Variants in NAALADL2 observed in about 807,000 individuals in gnomAD.
NAALADL2 encodes the protein N-acetylated alpha-linked acidic dipeptidase like 2.
In NAALADL2, 76 loss-of-function variants were observed where a neutral mutation model predicts 87.2. The observed-to-expected ratio is 0.87, with a 90% confidence interval of 0.72 to 1.05. The LOEUF (loss-of-function observed/expected upper bound fraction) is 1.05, where lower values mean the gene tolerates loss of function less well. NAALADL2 is among the 50% of genes least tolerant of loss of function. The pLI is 0.00. For missense variants in NAALADL2, 1,089 were observed against 945.8 expected (o/e 1.15, Z -1.99); for synonymous variants, 354 against 331.0 (o/e 1.07, Z -0.75).
intron 11 of NAALADL2, among the ~76,000 whole-genome samples, chr3:175,653,326 C>T (rs755871210): frequency 8.5e-5 from 13 of 152,094 alleles, no homozygotes; most frequent in African/African-American, 2.4e-4. Flanking sequence ...GGGCTCATAT[C>T]GTAGAAGGGT....
intron 1 of NAALADL2, among the ~76,000 whole-genome samples, chr3:174,523,883 T>A (rs1337928830): frequency 6.6e-6 from 1 of 152,218 alleles, no homozygotes; most frequent in Non-Finnish European, 1.5e-5. Flanking sequence ...TTTTGCTTTT[T>A]TCCTTTTTTT....
chr3:174,452,439 T>C (rs1715550896), intron 1 of NAALADL2, among the ~76,000 whole-genome samples: 1 of 152,216 alleles, frequency 6.6e-6, no homozygotes, highest in Non-Finnish European at 1.5e-5. Context: ...GCTGCATTGC[T>C]GCTGCTTCTG....
At position 174,771,232 on chromosome 3, in the gene NAALADL2, A is replaced by G. The variant is rs1281188276; in HGVS notation, c.-9+33486A>G. 2.0e-5 allele frequency among the ~76,000 whole-genome samples: 3 copies of G among 152,204 alleles called. No individual in the cohort carries two copies. In the East Asian group the frequency reaches 5.8e-4, roughly 29 times the overall value. On this transcript the variant is annotated intron_variant, in intron 3 of 3. Coordinates refer to the NAALADL2 transcript ENST00000434257. ...GATCTCTAATGGAAGAGATATAAAC[A>G]TTTACATTTAATTGAAATACACAAA...
At chr3:175,282,604 C>A (rs1754452035) in intron 4 of NAALADL2, among the ~76,000 whole-genome samples, 1 of 152,026 alleles carries the variant, frequency 6.6e-6, no homozygotes, top group Non-Finnish European at 1.5e-5. Context: ...CAACCCCCAC[C>A]AAACTCTACT....
chr3:174,607,103 G>A (rs939079635), intron 2 of NAALADL2, among the ~76,000 whole-genome samples: 23 of 152,002 alleles, frequency 1.5e-4, no homozygotes, highest in African/African-American at 5.6e-4. Context: ...ATCCTTTACA[G>A]ACAAGCAAAT....
At chr3:175,588,781 G>T (rs143327770) in intron 10 of NAALADL2, among the ~76,000 whole-genome samples, 3 of 151,888 alleles carry the variant, frequency 2.0e-5, no homozygotes, top group Non-Finnish European at 4.4e-5. Flanking sequence ...CTCGTGATCC[G>T]CCCGCCTTGG....
Position 174,611,965 on chromosome 3 carries a change from G to A in NAALADL2, c.-115+61328G>A, listed in dbSNP as rs373027093. 1.6e-4 allele frequency among the ~76,000 whole-genome samples: 23 copies of A among 145,980 alleles called. No individual in the cohort carries two copies. In the South Asian group the frequency reaches 5.1e-3, roughly 32 times the overall value. On this transcript the variant is annotated intron_variant, in intron 2 of 3. Coordinates refer to the NAALADL2 transcript ENST00000434257. ...GACGTGCTCCCTTTAGCATTTTTTT[G>A]TAGGACAGATCTTGTGTTGACAAAA...
upstream of NAALADL2, among the ~76,000 whole-genome samples, chr3:174,856,932 C>T (rs1429430663): frequency 1.3e-5 from 2 of 151,950 alleles, no homozygotes. Context: ...AAATGTGTTC[C>T]GATTGATGTC....
chr3:174,804,835 T>C (rs530396176), intron 3 of NAALADL2, among the ~76,000 whole-genome samples: 326 of 152,262 alleles, frequency 2.1e-3, no homozygotes, highest in African/African-American at 7.7e-3. Context: ...ATACTAAGAG[T>C]AATTTGTATT....
chr3:174,675,073 C>A (rs1252160702), intron 2 of NAALADL2, among the ~76,000 whole-genome samples: 1 of 152,026 alleles, frequency 6.6e-6, no homozygotes, highest in Non-Finnish European at 1.5e-5. Context: ...TTAATGGTTT[C>A]TGCTGTGAAT....
In NAALADL2 at chr3:174,571,238, GC is replaced by G. The variant is rs1466234811; in HGVS notation, c.-115+20602del. On this transcript the variant is annotated intron_variant, in intron 2 of 3. Transcript: ENST00000434257. ...ACTTGTTAATATTATCTGATTTTAG[GC>G]TAAAAATTGGGGTAAACTAAAAAAC... is the stretch of plus-strand genomic sequence containing the variant. Among the ~76,000 whole-genome samples, 8 of 152,186 alleles carry G rather than the reference GC, an allele frequency of 5.3e-5. No homozygotes were observed. In the East Asian group the frequency reaches 1.5e-3, roughly 29 times the overall value.
chr3:175,575,860 C>T (rs796722759), intron 9 of NAALADL2, among the ~76,000 whole-genome samples, 181 bp from the exon 10 acceptor site: 6 of 152,274 alleles, frequency 3.9e-5, no homozygotes, highest in African/African-American at 1.4e-4. Context: ...AGTTACAATG[C>T]AGATTCCTGG....
chr3:174,953,297 T>TCCTCTCCCC (rs1740651836), intron 1 of NAALADL2, among the ~76,000 whole-genome samples: 9 of 59,314 alleles, frequency 1.5e-4, no homozygotes, highest in Admixed American at 5.0e-4. Context: ...CTTTCTTGCC[T>TCCTCTCCCC]CCCCTCCCCT....
At chr3:175,147,829 G>T (rs1730970732) in intron 2 of NAALADL2, among the ~76,000 whole-genome samples, 1 of 151,960 alleles carries the variant, frequency 6.6e-6, no homozygotes, top group African/African-American at 2.4e-5. Flanking sequence ...CAGCACTTTG[G>T]GAAGTCAAGG....
intron 5 of NAALADL2, among the ~76,000 whole-genome samples, chr3:175,381,114 T>C (rs2148985054): frequency 6.6e-6 from 1 of 152,080 alleles, no homozygotes; most frequent in Non-Finnish European, 1.5e-5. Flanking sequence ...TGTAAGCATC[T>C]TATAGTTCAG....
chr3:174,967,307 A>C (rs1021217181), intron 1 of NAALADL2, among the ~76,000 whole-genome samples: 2 of 152,034 alleles, frequency 1.3e-5, no homozygotes, highest in African/African-American at 4.8e-5. Flanking sequence ...GTGGCAATAA[A>C]ATTTAGATAG....
Position 175,103,363 on chromosome 3 carries a change from T to C in NAALADL2, c.545+6072T>C, listed in dbSNP as rs77125709. Among the ~76,000 whole-genome samples the C allele has an allele frequency of 3.5e-3, 532 of 152,284 alleles. 22 individuals carry two copies. In the East Asian group the frequency reaches 0.084, roughly 24 times the overall value. On this transcript the variant is annotated intron_variant, in intron 2 of 13. Transcript: ENST00000454872. ...ACTCCCTTTCAGCAACTAAATAGTA[T>C]ATTTAGTTATCTTATGTGTAATATG...
At chr3:174,655,558 C>A (rs1388941696) in intron 2 of NAALADL2, among the ~76,000 whole-genome samples, 1 of 152,116 alleles carries the variant, frequency 6.6e-6, no homozygotes, top group Non-Finnish European at 1.5e-5. Context: ...AATAATGAAG[C>A]ACTTCAATAA....
chr3:175,571,777 G>C (rs374543879), intron 9 of NAALADL2, among the ~76,000 whole-genome samples: 18 of 152,288 alleles, frequency 1.2e-4, no homozygotes, highest in African/African-American at 4.1e-4. Flanking sequence ...GAAATCCCTA[G>C]ATAAAATGAC....
Sources: allele counts gnomAD v4.1 joint callset (sites outside exome capture counted in the v4.1 genomes callset), GRCh38; gene constraint gnomAD v4.1.1; transcripts MANE v1.5; gene names NCBI Gene and HGNC (gene_info 2026-07-23, HGNC 2026-07-21).